Variants in COL4A6 observed in about 807,000 individuals in gnomAD.
COL4A6 encodes the protein collagen alpha-6(IV) chain.
A neutral mutation model predicts 126.7 loss-of-function variants in COL4A6; 59 were observed. The ratio of observed to expected loss-of-function variants is 0.47; its 90% confidence interval spans 0.38 to 0.58. The LOEUF (loss-of-function observed/expected upper bound fraction) is 0.58. COL4A6 is among the 20% of genes least tolerant of loss of function. The pLI, the probability that COL4A6 is intolerant of heterozygous loss-of-function variation, is 0.00. For missense variants in COL4A6, 1,285 were observed against 1,337.3 expected (o/e 0.96, Z 0.61); for synonymous variants, 547 against 496.6 (o/e 1.10, Z -1.35).
chrX:108,206,614 C>T (rs763073240), intron 8 of COL4A6, 34 bp from the exon 9 acceptor site: 3 of 1,153,873 alleles, frequency 2.6e-6, no homozygotes, highest in Admixed American at 2.2e-5. Flanking sequence ...GTTCAAAAAG[C>T]AAGGCAGTTT....
chrX:108,196,036 A>G (rs1024801591), intron 14 of COL4A6, among the ~76,000 whole-genome samples: 1 of 111,661 alleles, frequency 9.0e-6, no homozygotes, highest in Admixed American at 9.5e-5. Context: ...TGAGATTATT[A>G]TTGGAAACTG....
chrX:108,403,233 GCTCTCTCTCTCTCTCTCTCT>G (rs59212608), intron 2 of COL4A6, among the ~76,000 whole-genome samples: 337 of 62,345 alleles, frequency 5.4e-3, no homozygotes, highest in Non-Finnish European at 6.9e-3. Flanking sequence ...GCAAAGATTA[GCTCTCTCTCTCTCTCTCTCT>G]CTCTCTCTCT....
chrX:108,311,145 G>T (rs1196157229), intron 2 of COL4A6, among the ~76,000 whole-genome samples: 1 of 111,970 alleles, frequency 8.9e-6, no homozygotes, highest in African/African-American at 3.2e-5. Context: ...ATATTCCTGT[G>T]AAAACAGGTG....
chrX:108,427,017 A>G (rs781522514), intron 2 of COL4A6, among the ~76,000 whole-genome samples: 3 of 112,188 alleles, frequency 2.7e-5, no homozygotes, highest in Non-Finnish European at 5.6e-5. Context: ...AGGACCAGAT[A>G]TATGCTGCAG....
intron 3 of COL4A6, among the ~76,000 whole-genome samples, chrX:108,266,005 G>C (rs1300916362): frequency 8.9e-6 from 1 of 111,998 alleles, no homozygotes; most frequent in Non-Finnish European, 1.9e-5. Context: ...AGAGGCAAAG[G>C]TGAGCAGCTA....
intron 5 of COL4A6, among the ~76,000 whole-genome samples, chrX:108,218,961 A>C (rs779946094): frequency 8.9e-6 from 1 of 112,491 alleles, no homozygotes; most frequent in South Asian, 3.7e-4. Flanking sequence ...GTCAAAGGGA[A>C]AAACTAAAAA....
chrX:108,268,932 C>T (rs1178005167), intron 3 of COL4A6: 3 of 245,597 alleles, frequency 1.2e-5, no homozygotes, highest in African/African-American at 5.8e-5. Flanking sequence ...TTTCTTGGTT[C>T]TACCATCATA....
At chrX:108,282,125 C>T (rs1445597343) in intron 3 of COL4A6, among the ~76,000 whole-genome samples, 1 of 109,290 alleles carries the variant, frequency 9.1e-6, no homozygotes, top group Non-Finnish European at 1.9e-5. Flanking sequence ...GCAATGACAA[C>T]AAAAGCCAAA....
chrX:108,404,254 A>G (rs756601489), intron 2 of COL4A6, among the ~76,000 whole-genome samples: 1 of 112,315 alleles, frequency 8.9e-6, no homozygotes, highest in South Asian at 3.8e-4. Flanking sequence ...CACTTTTAAA[A>G]TATACAAATC....
At chrX:108,191,629 G>A in intron 18 of COL4A6, 96 bp from the exon 19 acceptor site, 1 of 998,115 alleles carries the variant, frequency 1.0e-6, no homozygotes, top group Non-Finnish European at 1.4e-6. Context: ...ATCCAAGGAA[G>A]AATTTAGGGA....
intron 3 of COL4A6, among the ~76,000 whole-genome samples, chrX:108,280,706 G>C (rs1215755199): frequency 9.0e-6 from 1 of 111,384 alleles, no homozygotes; most frequent in African/African-American, 3.3e-5. Flanking sequence ...GAGAATTTTA[G>C]ACCAATATCC....
At chrX:108,424,390 T>C (rs1448615391) in intron 2 of COL4A6, among the ~76,000 whole-genome samples, 1 of 112,291 alleles carries the variant, frequency 8.9e-6, no homozygotes, top group Non-Finnish European at 1.9e-5. Context: ...TATATTTGTG[T>C]ATTTACTTGT....
intron 2 of COL4A6, among the ~76,000 whole-genome samples, chrX:108,432,709 A>G (rs1245060230): frequency 9.0e-6 from 1 of 110,893 alleles, no homozygotes; most frequent in Non-Finnish European, 1.9e-5. Flanking sequence ...GATGGCGGGC[A>G]CCTGTAGTCC....
At chrX:108,313,553 C>T (rs772184505) in intron 2 of COL4A6, among the ~76,000 whole-genome samples, 1 of 110,827 alleles carries the variant, frequency 9.0e-6, no homozygotes, top group South Asian at 3.8e-4. Context: ...GCACAACGTG[C>T]AGGTTTGTTA....
Position 108,403,170 on chromosome X carries a change from T to C in COL4A6, c.63+34772A>G, listed in dbSNP as rs5973871. ...TTCTCTATGTGATCTGTCCCTCTGC[T>C]GTTAAGATCTTTTTCTTGATGGTGT... On this transcript the variant is annotated intron_variant, in intron 2 of 44. Coordinates refer to ENST00000334504, the MANE Select transcript of COL4A6 (RefSeq NM_033641.4). Among the ~76,000 whole-genome samples the C allele has an allele frequency of 2.6e-3, 289 of 109,128 alleles. 2 individuals carry two copies. Among genetic ancestry groups the C allele is most frequent in the African/African-American group, 9.3e-3 (278 of 30,045 alleles). The allele number at this position is 109,128 out of a possible 115,157, so 94.8% of individuals were successfully genotyped here. A position where few individuals can be genotyped will look rare whatever the true frequency, so the allele number is the denominator to read the frequency against.
intron 9 of COL4A6, 37 bp from the exon 10 acceptor site, chrX:108,205,732 T>G (rs2035529003): frequency 8.7e-7 from 1 of 1,144,075 alleles, no homozygotes; most frequent in Non-Finnish European, 1.2e-6. Flanking sequence ...AGTTAGCACT[T>G]GTTAGTTTCA....
rs188389790 is a variant in COL4A6, at chrX:108,434,687, A to T, written c.63+3255T>A. Among the ~76,000 whole-genome samples, 664 of 109,074 alleles carry T rather than the reference A, an allele frequency of 6.1e-3. 2 individuals carry two copies. Among genetic ancestry groups the T allele is most frequent in the East Asian group, 0.039 (135 of 3,497 alleles). The allele number at this position is 109,074 out of a possible 115,157, so 94.7% of individuals were successfully genotyped here. On this transcript the variant is annotated intron_variant, in intron 2 of 44. Transcript: ENST00000334504. The stretch of plus-strand genomic sequence containing the variant: ...AATGTAAATATATTATCATCTATGG[A>T]TTATCTATTTACAGTCATTTGATGA...
At position 108,179,398 on chromosome X, in the gene COL4A6, A is replaced by G. The variant is rs769635115; in HGVS notation, c.2172T>C (p.Phe724=). Residue 724 remains phenylalanine, a synonymous_variant, in exon 26 of 45, where the codon TTT becomes TTC. Coordinates refer to ENST00000334504, the MANE Select transcript of COL4A6 (RefSeq NM_033641.4). ...AGCCATCTTTTCCAGGGAGCCCAGG[A>G]AACCCAGGCAAGCCCTTCTCCCCAC... The part of the protein sequence containing the change: ...GPRGEKGLPG[F]PGLPGKDGLP... 45 of 1,207,987 alleles carry G rather than the reference A, an allele frequency of 3.7e-5. No individual in the cohort carries two copies. The highest frequency in any genetic ancestry group is 4.6e-5 in the Non-Finnish European group (41 of 893,939).
At position 108,180,598 on chromosome X, in the gene COL4A6, G is replaced by A; in HGVS notation, c.2048C>T (p.Pro683Leu). 8.3e-7 allele frequency: 1 copy of A among 1,200,562 alleles called. No individual in the cohort carries two copies. The highest frequency in any genetic ancestry group is 1.1e-6 in the Non-Finnish European group (1 of 892,025). ...TGACCCAGGCTGGCCTGGGGTCCCA[G>A]GGAGGCCTCGAGACCCTTTAGGGCC... is the stretch of plus-strand genomic sequence containing the variant. ...FPGPKGSRGL[P>L]GTPGQPGSSG... Residue 683 changes from proline to leucine, a missense_variant, in exon 25 of 45, where the codon CCT becomes CTT. Physicochemically the swap from Pro to Leu is moderately conservative, Grantham distance 98. Transcript: ENST00000334504.
Sources: gnomAD v4.1 joint callset for allele counts (sites outside exome capture counted in the v4.1 genomes callset) on GRCh38, gnomAD v4.1.1 for gene constraint, MANE v1.5 for transcripts, NCBI Gene and HGNC (gene_info 2026-07-23, HGNC 2026-07-21) for gene names.